PASD1: variants seen among roughly 807,000 people sequenced by gnomAD.
The protein encoded by PASD1 is circadian clock protein PASD1.
A neutral mutation model predicts 58.8 loss-of-function variants in PASD1; 13 were observed. That is an observed-to-expected ratio of 0.22 (90% CI 0.14 to 0.35). The LOEUF (loss-of-function observed/expected upper bound fraction) is 0.35. Ranked by LOEUF, PASD1 falls within the 10% of genes least tolerant of loss-of-function variation. PASD1 has a pLI of 1.00. For synonymous variants in PASD1, 236 were observed against 216.7 expected, an observed-to-expected ratio of 1.09 and a Z score of -0.78; for missense variants, 734 against 568.3, an observed-to-expected ratio of 1.29 and a Z score of -2.96.
chrX:151,623,323 A>G (rs2013742129), intron 7 of PASD1, among the ~76,000 whole-genome samples: 1 of 111,978 alleles, frequency 8.9e-6, no homozygotes, highest in South Asian at 3.7e-4. Flanking sequence ...AAATATTATA[A>G]AATGTAGGTG....
intron 4 of PASD1, among the ~76,000 whole-genome samples, chrX:151,618,517 C>A (rs145454399): frequency 0.038 from 4,239 of 111,793 alleles, 87 homozygotes; most frequent in Non-Finnish European, 0.054. Context: ...TGAGTGCTTA[C>A]CAGTGCCAAG....
At chrX:151,659,919 A>G (rs940235195) in intron 10 of PASD1, 83 bp downstream of exon 10, 3 of 929,633 alleles carry the variant, frequency 3.2e-6, no homozygotes, top group South Asian at 5.6e-5. Context: ...TCAAATGAAT[A>G]TAATGCTCTA....
At chrX:151,568,136 C>T (rs369757042) in intron 1 of PASD1, among the ~76,000 whole-genome samples, 1 of 112,476 alleles carries the variant, frequency 8.9e-6, no homozygotes, top group East Asian at 2.8e-4. Flanking sequence ...GTCGGCAAGG[C>T]TTTCTCCAAA....
Position 151,620,791 on chromosome X carries a change from G to T in PASD1, c.208-139G>T, listed in dbSNP as rs1602936147. 8 of 381,443 alleles carry T rather than the reference G, an allele frequency of 2.1e-5. No individual in the cohort carries two copies. The East Asian group carries it at 3.3e-4, about 16-fold the overall frequency. 31.4% of individuals were successfully genotyped at this position (381,443 alleles called of 1,213,427 possible). On this transcript the variant is annotated intron_variant, in intron 4 of 15. Coordinates refer to ENST00000370357, the MANE Select transcript of PASD1 (RefSeq NM_173493.3). Reference sequence around the variant, plus strand: ...AGGTACAACAGGTATAACTGTACATGGCTGAGGTGGGGCAGAGCATAAGCT... The same window carrying T: ...AGGTACAACAGGTATAACTGTACATTGCTGAGGTGGGGCAGAGCATAAGCT...
chrX:151,622,586 T>TACACACACACACACACACAC (rs202044764), intron 6 of PASD1, among the ~76,000 whole-genome samples: 5 of 96,772 alleles, frequency 5.2e-5, no homozygotes, highest in African/African-American at 1.1e-4. Context: ...GTGCACAGAT[T>TACACACACACACACACACAC]ACACACACAC....
chrX:151,656,007 G>A (rs1267049412), intron 9 of PASD1, among the ~76,000 whole-genome samples: 3 of 111,829 alleles, frequency 2.7e-5, no homozygotes, highest in East Asian at 5.6e-4. Context: ...TTAAGTATTT[G>A]ATCCATCTTG....
intron 3 of PASD1, among the ~76,000 whole-genome samples, chrX:151,610,138 C>T (rs1440578729): frequency 9.0e-6 from 1 of 110,955 alleles, no homozygotes; most frequent in Admixed American, 9.6e-5. Flanking sequence ...CTGAGTATTT[C>T]CTCTTCTCTG....
At chrX:151,675,965 A>G (rs2014537957) in intron 15 of PASD1, 32 bp from the exon 16 acceptor site, 1 of 1,204,847 alleles carries the variant, frequency 8.3e-7, no homozygotes, top group African/African-American at 1.7e-5. Flanking sequence ...ACTCTAGCAA[A>G]CATTCCACCT....
At chrX:151,628,548 A>G (rs1232274946) in intron 8 of PASD1, among the ~76,000 whole-genome samples, 6 of 111,569 alleles carry the variant, frequency 5.4e-5, no homozygotes, top group African/African-American at 2.0e-4. Flanking sequence ...CCATTGGTCT[A>G]TATCTCTGTT....
intron 4 of PASD1, among the ~76,000 whole-genome samples, chrX:151,614,578 T>C (rs969249440): frequency 3.6e-5 from 4 of 112,406 alleles, no homozygotes; most frequent in African/African-American, 9.7e-5. Flanking sequence ...CCCTATTCAC[T>C]AATGGTAGTA....
chrX:151,663,978 T>A, intron 10 of PASD1, 141 bp from the exon 11 acceptor site: 1 of 976,699 alleles, frequency 1.0e-6, no homozygotes, highest in Non-Finnish European at 1.4e-6. Context: ...AACAGATTTT[T>A]AAAATAATAT....
At chrX:151,643,652 G>A (rs1317644670) in intron 8 of PASD1, among the ~76,000 whole-genome samples, 1 of 111,400 alleles carries the variant, frequency 9.0e-6, no homozygotes, top group Non-Finnish European at 1.9e-5. Flanking sequence ...CAAAATCAAG[G>A]CATTTCTGGC....
intron 11 of PASD1, among the ~76,000 whole-genome samples, chrX:151,667,030 A>T (rs1225608834): frequency 9.0e-6 from 1 of 111,031 alleles, no homozygotes; most frequent in Non-Finnish European, 1.9e-5. Context: ...ATTTCTCCAC[A>T]TCCTCTCTAG....
intron 8 of PASD1, among the ~76,000 whole-genome samples, chrX:151,632,501 C>T (rs1032118636): frequency 2.7e-5 from 3 of 111,488 alleles, no homozygotes; most frequent in African/African-American, 6.5e-5. Flanking sequence ...GGGAAGGACC[C>T]AGGATCGTGT....
chrX:151,650,472 G>A (rs1206074620), intron 9 of PASD1, among the ~76,000 whole-genome samples: 2 of 110,690 alleles, frequency 1.8e-5, no homozygotes, highest in East Asian at 2.8e-4. Context: ...GTCCACCAAC[G>A]TATATATTTT....
intron 4 of PASD1, among the ~76,000 whole-genome samples, chrX:151,612,340 G>T (rs2124262562): frequency 9.4e-6 from 1 of 106,936 alleles, no homozygotes; most frequent in East Asian, 2.9e-4. Context: ...CCAGTAATGG[G>T]ATGGCTGGGT....
At chrX:151,573,163 AACTC>A (rs1377408982) in intron 1 of PASD1, among the ~76,000 whole-genome samples, 2 of 106,723 alleles carry the variant, frequency 1.9e-5, no homozygotes, top group South Asian at 4.4e-4. Flanking sequence ...ATCTCCCAAG[AACTC>A]ACTCACTATG....
Position 151,664,316 on chromosome X carries a change from G to A in PASD1, c.1039G>A (p.Val347Met). The stretch of plus-strand genomic sequence containing the variant: ...GGATCCAGTGGATCCAGAGGACTCA[G>A]TGGACCTGGGGGCTGCTGGCGCAAG... ...LMDPVDPEDS[V>M]DLGAAGASAQ... is the part of the protein sequence containing the mutation. Residue 347 changes from valine (V) to methionine (M), a missense_variant, in exon 11 of 16, where the codon GTG (valine) becomes ATG (methionine). By Grantham distance (21) the Val-to-Met change is conservative. Coordinates refer to ENST00000370357, the MANE Select transcript of PASD1 (RefSeq NM_173493.3). 8.3e-7 allele frequency: 1 copy of A among 1,212,038 alleles called. No homozygotes were observed. Among genetic ancestry groups the A allele is most frequent in the African/African-American group, 1.7e-5 (1 of 57,859 alleles).
At chrX:151,624,037 GA>G (rs755180645) in intron 7 of PASD1, among the ~76,000 whole-genome samples, 40 of 111,691 alleles carry the variant, frequency 3.6e-4, no homozygotes, top group African/African-American at 1.2e-3. Context: ...GACATGATCT[GA>G]TTTTCTTTTT....
Sources: gnomAD v4.1 joint callset for allele counts (sites outside exome capture counted in the v4.1 genomes callset) on GRCh38, gnomAD v4.1.1 for gene constraint, MANE v1.5 for transcripts, NCBI Gene and HGNC (gene_info 2026-07-23, HGNC 2026-07-21) for gene names.